ACO2: variants seen among roughly 807,000 people sequenced by gnomAD.
ACO2 encodes aconitase 2.
In ACO2, 31 loss-of-function variants were observed where a neutral mutation model predicts 84.5. The observed-to-expected ratio is 0.37, with a 90% CI of 0.28 to 0.50. ACO2 has a LOEUF of 0.50. ACO2 is among the 20% of genes least tolerant of loss of function. The pLI is 0.97. For missense variants in ACO2, 685 were observed against 1,029.3 expected (o/e 0.67, Z 4.58); for synonymous variants, 414 against 412.7 (o/e 1.00, Z -0.04).
intron 16 of ACO2, 154 bp from the exon 17 acceptor site, chr22:41,527,747 T>TGAAA (rs766301612): frequency 1.2e-5 from 15 of 1,280,708 alleles, no homozygotes; most frequent in Admixed American, 2.4e-5. Context: ...GCACCCCTAG[T>TGAAA]GAAAGGGAGC....
In ACO2 at chr22:41,517,576, C is replaced by T. The variant is rs560040600; in HGVS notation, c.885C>T (p.Ser295=). ...NMGAEIGATT[S]VFPYNHRMKK... The stretch of plus-strand genomic sequence containing the variant: ...GTGCAGAAATTGGGGCCACCACTTC[C>T]GTGTTCCCTTACAACCACAGGATGA... The change falls in exon 7 of 18, where the codon TCC becomes TCT. Residue 295 remains serine, a synonymous_variant. Coordinates refer to ENST00000216254, the MANE Select transcript of ACO2 (RefSeq NM_001098.3). The T allele has an allele frequency of 3.6e-5, 58 of 1,614,092 alleles. No individual in the cohort carries two copies. Among genetic ancestry groups the T allele is most frequent in the African/African-American group, 6.7e-5 (5 of 75,060 alleles).
chr22:41,509,468 A>G (rs931623672), intron 3 of ACO2, among the ~76,000 whole-genome samples: 3 of 152,144 alleles, frequency 2.0e-5, no homozygotes, highest in Non-Finnish European at 4.4e-5. Flanking sequence ...TTAGGAAGGG[A>G]AAGTGCGGGA....
intron 1 of ACO2, among the ~76,000 whole-genome samples, chr22:41,482,387 T>A (rs1162745066): frequency 6.6e-6 from 1 of 152,230 alleles, no homozygotes; most frequent in Non-Finnish European, 1.5e-5. Context: ...GGCCCCTTCC[T>A]GTCTCTGAGC....
intron 9 of ACO2, 59 bp downstream of exon 9, chr22:41,520,335 G>T: frequency 7.2e-7 from 1 of 1,394,106 alleles, no homozygotes; most frequent in African/African-American, 1.4e-5. Context: ...TCTGCCCAGG[G>T]CTGTAGACAA....
At chr22:41,517,887 C>G (rs966890415) in intron 7 of ACO2, among the ~76,000 whole-genome samples, 2 of 152,244 alleles carry the variant, frequency 1.3e-5, no homozygotes, top group South Asian at 2.1e-4. Context: ...TTCATTTTCC[C>G]TGGAAGGTGG....
At chr22:41,480,733 G>A (rs2038076932) in intron 1 of ACO2, among the ~76,000 whole-genome samples, 1 of 152,082 alleles carries the variant, frequency 6.6e-6, no homozygotes, top group South Asian at 2.1e-4. Flanking sequence ...CAGTCCCCAG[G>A]GCAATTTTGT....
At position 41,527,950 on chromosome 22, in the gene ACO2, G is replaced by T. The variant is rs565638362; in HGVS notation, c.2136G>T (p.Pro712=). 3.1e-6 allele frequency: 5 copies of T among 1,614,156 alleles called. No individual in the cohort carries two copies. The highest frequency in any genetic ancestry group is 2.7e-5 in the African/African-American group (2 of 75,040). The change falls in exon 17 of 18, where the codon CCG becomes CCT. Residue 712 remains proline, a synonymous_variant. Transcript: ENST00000216254. ...QGLLPLTFAD[P]ADYNKIHPVD... is the part of the protein sequence containing the mutation. ...TGCTGCCTCTGACCTTCGCTGACCC[G>T]GCTGACTACAACAAGATTCACCCTG...
Position 41,526,276 on chromosome 22 carries a change from T to C in ACO2, c.1776T>C (p.Cys592=), listed in dbSNP as rs368044961. 10 of 1,612,098 alleles carry C rather than the reference T, an allele frequency of 6.2e-6. No individual in the cohort carries two copies. The Admixed American group carries it at 1.0e-4, about 16-fold the overall frequency. Residue 592 remains cysteine (C), a synonymous_variant, in exon 15 of 18, where the codon TGT becomes TGC. Transcript: ENST00000216254. ...LQILIKVKGK[C]TTDHISAAGP... is the part of the protein sequence containing the mutation. ...TACCACCCAAGGTCAAAGGGAAGTG[T>C]ACCACTGACCACATCTCAGCTGCTG...
In ACO2 at chr22:41,491,894, C is replaced by G. The variant is rs573777727; in HGVS notation, c.37-7832C>G. Among the ~76,000 whole-genome samples the G allele has an allele frequency of 1.8e-4, 28 of 152,274 alleles. No homozygotes were observed. The South Asian group carries it at 5.6e-3, about 30-fold the overall frequency. On this transcript the variant is annotated intron_variant, in intron 1 of 17. Transcript: ENST00000216254. ...TGGGTTGGGCAATCTGACTATAGTT[C>G]TTCAATCCGAACTACCACACTGTTC...
chr22:41,475,897 C>CA (rs34893746), intron 1 of ACO2, among the ~76,000 whole-genome samples: 31,733 of 112,738 alleles, frequency 0.28, 4,047 homozygotes, highest in Middle Eastern at 0.4. Flanking sequence ...AACTCTGTCT[C>CA]AAAAAAAAAA....
At position 41,516,743 on chromosome 22, in the gene ACO2, G is replaced by A. The variant is rs961428212; in HGVS notation, c.836-784G>A. On this transcript the variant is annotated intron_variant, in intron 6 of 17. Coordinates refer to ENST00000216254, the MANE Select transcript of ACO2 (RefSeq NM_001098.3). ...TTTTGTTTTTGTTCTTGTTTTTTGA[G>A]ACAGAGTCTAACTCTGTCGCCCAGG... Among the ~76,000 whole-genome samples, 3 of 152,216 alleles carry A rather than the reference G, an allele frequency of 2.0e-5. No homozygotes were observed. The South Asian group carries it at 6.2e-4, about 32-fold the overall frequency.
At chr22:41,517,353 C>T (rs1000077957) in intron 6 of ACO2, 174 bp from the exon 7 acceptor site, 2 of 603,944 alleles carry the variant, frequency 3.3e-6, no homozygotes, top group African/African-American at 1.8e-5. Context: ...CCTCACCGGC[C>T]CAGGTTTTTA....
chr22:41,479,074 T>A (rs1050130504), intron 1 of ACO2, among the ~76,000 whole-genome samples: 18 of 152,178 alleles, frequency 1.2e-4, no homozygotes, highest in Non-Finnish European at 1.9e-4. Flanking sequence ...AAGGGCCCTG[T>A]CTGTGGAAGA....
At chr22:41,514,247 C>T (rs901923287) in intron 4 of ACO2, among the ~76,000 whole-genome samples, 3 of 152,208 alleles carry the variant, frequency 2.0e-5, no homozygotes, top group African/African-American at 7.2e-5. Flanking sequence ...TCACACCTCT[C>T]ATGTGTTCTT....
intron 1 of ACO2, among the ~76,000 whole-genome samples, chr22:41,488,117 A>G (rs979048460): frequency 6.6e-6 from 1 of 152,156 alleles, no homozygotes; most frequent in Non-Finnish European, 1.5e-5. Flanking sequence ...CACAATAGCA[A>G]CTATAATACT....
At chr22:41,473,803 A>G (rs2037974716) in intron 1 of ACO2, among the ~76,000 whole-genome samples, 1 of 152,164 alleles carries the variant, frequency 6.6e-6, no homozygotes. Context: ...GAGACTTCAA[A>G]TAGAAGGAGC....
At chr22:41,510,189 C>T (rs1185553726) in intron 3 of ACO2, among the ~76,000 whole-genome samples, 5 of 152,130 alleles carry the variant, frequency 3.3e-5, no homozygotes, top group Admixed American at 3.3e-4. Context: ...GGCTAGGGCT[C>T]AGAGGCAGTG....
intron 1 of ACO2, among the ~76,000 whole-genome samples, chr22:41,472,405 A>G (rs1308929601): frequency 6.6e-6 from 1 of 151,644 alleles, no homozygotes; most frequent in Admixed American, 6.6e-5. Context: ...GTTAGTAGGT[A>G]TGGTTTGAAT....
intron 4 of ACO2, among the ~76,000 whole-genome samples, chr22:41,513,955 A>C (rs1198560525): frequency 1.3e-5 from 2 of 151,968 alleles, no homozygotes; most frequent in Non-Finnish European, 2.9e-5. Context: ...TGTGGACCAC[A>C]AGTGTCTACA....
Sources: gnomAD v4.1 joint callset for allele counts (sites outside exome capture counted in the v4.1 genomes callset) on GRCh38, gnomAD v4.1.1 for gene constraint, MANE v1.5 for transcripts, NCBI Gene and HGNC (gene_info 2026-07-23, HGNC 2026-07-21) for gene names.